The following GANC variants were observed in gnomAD, a reference collection of about 807,000 sequenced individuals.
The protein encoded by GANC is glucosidase alpha, neutral C, also known as neutral alpha-glucosidase C.
Under a neutral mutation model 124.2 loss-of-function variants are expected in GANC, and 117 were observed. The observed-to-expected ratio is 0.94, with a 90% CI of 0.81 to 1.10. The LOEUF is 1.10. GANC is among the 50% of genes least tolerant of loss of function. The pLI is 0.00. For synonymous variants in GANC, 377 were observed against 376.8 expected (o/e 1.00, Z -0.01); for missense variants, 1,140 against 1,095.0 (o/e 1.04, Z -0.58).
intron 10 of GANC, among the ~76,000 whole-genome samples, chr15:42,318,835 C>CA (rs2052131724): frequency 6.6e-6 from 1 of 152,138 alleles, no homozygotes; most frequent in East Asian, 1.9e-4. Context: ...GGGATCCTCC[C>CA]ACCTCAGCTT....
chr15:42,353,646 A>G lies in GANC; in HGVS notation c.*1507A>G, dbSNP rs2052480504. 1.0e-6 allele frequency: 1 copy of G among 985,532 alleles called. No individual in the cohort carries two copies. The highest frequency in any genetic ancestry group is 1.2e-6 in the Non-Finnish European group (1 of 829,736). 61.0% of individuals were successfully genotyped at this position (985,532 alleles called of 1,614,324 possible). A position where few individuals can be genotyped will look rare whatever the true frequency, so the allele number is the denominator to read the frequency against. Reference sequence around the variant, plus strand: ...AGTTAGCTGGTGGATTTAATTGATTAAAAAATTACGATTGAATGTATTTCC... The same window carrying G: ...AGTTAGCTGGTGGATTTAATTGATTGAAAAATTACGATTGAATGTATTTCC... On this transcript the variant is annotated 3_prime_UTR_variant, in exon 24 of 24. Transcript: ENST00000318010.
intron 6 of GANC, among the ~76,000 whole-genome samples, chr15:42,299,448 C>G (rs2051924320): frequency 6.6e-6 from 1 of 152,172 alleles, no homozygotes; most frequent in African/African-American, 2.4e-5. Context: ...TGATGTGCTG[C>G]TGAATTCGGT....
intron 17 of GANC, among the ~76,000 whole-genome samples, chr15:42,340,231 A>C (rs1245551556): frequency 1.3e-5 from 2 of 152,238 alleles, no homozygotes; most frequent in African/African-American, 4.8e-5. Flanking sequence ...GTATCTTCTC[A>C]TGAAGAATAA....
In GANC at chr15:42,273,544, C is replaced by T. The variant is rs531864227; in HGVS notation, c.-938C>T. 3 of 1,378,384 alleles carry T rather than the reference C, an allele frequency of 2.2e-6. No homozygotes were observed. The highest frequency in any genetic ancestry group is 1.4e-5 in the African/African-American group (1 of 69,444). The allele number at this position is 1,378,384 out of a possible 1,614,324, so 85.4% of individuals were successfully genotyped here. On this transcript the variant is annotated 5_prime_UTR_variant, in exon 1 of 24. Transcript: ENST00000318010. ...TGCTGTGCGGCGTAGCGGCCCCTCT[C>T]TCAGACAGTCGTCTGTGCGCCGTGA... is the stretch of plus-strand genomic sequence containing the variant.
At chr15:42,317,070 C>A (rs2052112901) in intron 10 of GANC, among the ~76,000 whole-genome samples, 1 of 152,156 alleles carries the variant, frequency 6.6e-6, no homozygotes, top group Non-Finnish European at 1.5e-5. Context: ...TAACTATTTT[C>A]TTTATTATAC....
chr15:42,342,090 A>G (rs1031632112), intron 18 of GANC, among the ~76,000 whole-genome samples: 7 of 151,874 alleles, frequency 4.6e-5, no homozygotes, highest in African/African-American at 1.7e-4. Context: ...ATTTGTTTTC[A>G]CTAACTGTAA....
At chr15:42,288,544 T>C (rs1288394859) in intron 4 of GANC, among the ~76,000 whole-genome samples, 1 of 152,218 alleles carries the variant, frequency 6.6e-6, no homozygotes, top group Non-Finnish European at 1.5e-5. Flanking sequence ...TGTAGATTAT[T>C]TTTTCCATGA....
At chr15:42,322,891 A>G (rs766393181) in intron 11 of GANC, among the ~76,000 whole-genome samples, 11 of 152,216 alleles carry the variant, frequency 7.2e-5, no homozygotes, top group Non-Finnish European at 1.0e-4. Context: ...GCGAAACCCT[A>G]TGTGTATCAT....
intron 5 of GANC, among the ~76,000 whole-genome samples, chr15:42,294,442 G>A (rs952966170): frequency 5.3e-5 from 8 of 150,956 alleles, no homozygotes; most frequent in Non-Finnish European, 1.0e-4. Context: ...AGGTATAGTG[G>A]CACATGCCTG....
chr15:42,309,470 C>T (rs2052030575), intron 8 of GANC, among the ~76,000 whole-genome samples: 1 of 151,976 alleles, frequency 6.6e-6, no homozygotes, highest in South Asian at 2.1e-4. Flanking sequence ...CAGGTATGCG[C>T]CACTACGCCC....
At position 42,310,927 on chromosome 15, in the gene GANC, G is replaced by A. The variant is rs1363857600; in HGVS notation, c.1057+81G>A. 8.5e-5 allele frequency: 123 copies of A among 1,451,724 alleles called. 1 individual carries two copies. In the South Asian group the frequency reaches 1.4e-3, roughly 16 times the overall value. The allele number at this position is 1,451,724 out of a possible 1,614,324, so 89.9% of individuals were successfully genotyped here. On this transcript the variant is annotated intron_variant, in intron 10 of 23. Transcript: ENST00000318010. The stretch of plus-strand genomic sequence containing the variant: ...GTGTCATCACGGTAAGTTAATATTT[G>A]TTGTATACTATGTAGAGTTTATAAC...
intron 10 of GANC, chr15:42,314,183 G>A: frequency 2.6e-6 from 2 of 760,834 alleles, no homozygotes; most frequent in South Asian, 2.7e-5. Context: ...GATTGGACAA[G>A]TTGGCCAGAA....
chr15:42,333,327 C>CA (rs566805443), intron 15 of GANC, among the ~76,000 whole-genome samples: 15,464 of 138,168 alleles, frequency 0.11, 1,144 homozygotes, highest in Admixed American at 0.21. Context: ...AACTCCATCT[C>CA]AAAAAAAAAA....
intron 5 of GANC, 34 bp from the exon 6 acceptor site, chr15:42,297,577 A>G (rs761984731): frequency 1.9e-6 from 3 of 1,582,806 alleles, no homozygotes; most frequent in Admixed American, 1.7e-5. Flanking sequence ...CAGTCTTGCC[A>G]TTGAGTGAAA....
chr15:42,274,254 A>T lies in GANC; in HGVS notation c.-228A>T, dbSNP rs1030299893. 1.5e-5 allele frequency: 8 copies of T among 547,320 alleles called. No individual in the cohort carries two copies. Among genetic ancestry groups the T allele is most frequent in the Admixed American group, 3.2e-5 (1 of 30,800 alleles). The allele number at this position is 547,320 out of a possible 1,614,324, so 33.9% of individuals were successfully genotyped here. On this transcript the variant is annotated 5_prime_UTR_variant, in exon 1 of 24. Transcript: ENST00000318010. ...TCATCAGCCACCCATAATCAAGACA[A>T]ATTTGCCAAATAAATCATTGTAGAA...
At chr15:42,327,738 T>C (rs139068069) in intron 13 of GANC, among the ~76,000 whole-genome samples, 3,575 of 152,300 alleles carry the variant, frequency 0.023, 65 homozygotes, top group Middle Eastern at 0.037. Flanking sequence ...ATATATTTTA[T>C]ATAAAATTGT....
chr15:42,299,668 A>G (rs2051927031), intron 6 of GANC, among the ~76,000 whole-genome samples: 1 of 152,210 alleles, frequency 6.6e-6, no homozygotes, highest in Admixed American at 6.5e-5. Flanking sequence ...AGCAAAAAGA[A>G]CAGATCTGGA....
intron 19 of GANC, chr15:42,343,464 G>T: frequency 3.4e-6 from 1 of 294,100 alleles, no homozygotes; most frequent in Non-Finnish European, 6.5e-6. Flanking sequence ...TCTTCAGTCT[G>T]CTATGAGGTA....
intron 5 of GANC, among the ~76,000 whole-genome samples, chr15:42,295,877 C>T (rs2051886971): frequency 6.6e-6 from 1 of 152,118 alleles, no homozygotes; most frequent in Admixed American, 6.5e-5. Flanking sequence ...CACAATGGCT[C>T]ATGGCTATAA....
Sources: allele counts gnomAD v4.1 joint callset (sites outside exome capture counted in the v4.1 genomes callset), GRCh38; gene constraint gnomAD v4.1.1; transcripts MANE v1.5; gene names NCBI Gene and HGNC (gene_info 2026-07-23, HGNC 2026-07-21).